WDR37: variants seen among roughly 807,000 people sequenced by gnomAD.
WDR37 encodes WD repeat domain 37.
Under a neutral mutation model 62.9 loss-of-function variants are expected in WDR37, and 19 were observed. The observed-to-expected ratio is 0.30, with a 90% CI of 0.21 to 0.44. The LOEUF is 0.44. WDR37 is among the 20% of genes least tolerant of loss of function. The pLI is 1.00. For missense variants in WDR37, 474 were observed against 657.6 expected (o/e 0.72, Z 3.05); for synonymous variants, 250 against 260.9 (o/e 0.96, Z 0.40).
At chr10:1,063,791 A>G (rs1833448920) in intron 1 of WDR37, among the ~76,000 whole-genome samples, 1 of 152,146 alleles carries the variant, frequency 6.6e-6, no homozygotes, top group Admixed American at 6.5e-5. Flanking sequence ...CAGGAGGCTG[A>G]ACTTTCCTTC....
Position 1,105,043 on chromosome 10 carries a change from C to T in WDR37, c.962-83C>T. On this transcript the variant is annotated intron_variant, in intron 10 of 13. Transcript: ENST00000263150. This position sits in a 1 kb window ranked among gnomAD's most constrained non-coding sequence, Gnocchi z 5.3. ...GTTCACAGTCTCAGAGAGACGGCTT[C>T]TTGGGTTCTTGTGCTGTTGAAAAGC... The T allele has an allele frequency of 6.5e-7, 1 of 1,540,066 alleles. No homozygotes were observed. Among genetic ancestry groups the T allele is most frequent in the Non-Finnish European group, 8.8e-7 (1 of 1,130,512 alleles).
intron 1 of WDR37, among the ~76,000 whole-genome samples, chr10:1,069,389 A>ATATATATATATATATATTTTTTTT: frequency 4.2e-5 from 4 of 95,800 alleles, no homozygotes; most frequent in African/African-American, 1.9e-4. Flanking sequence ...ATATATATAT[A>ATATATATATATATATATTTTTTTT]TTTTTTTTTT....
At chr10:1,080,880 TG>T (rs1431039054) in intron 5 of WDR37, among the ~76,000 whole-genome samples, 2 of 150,136 alleles carry the variant, frequency 1.3e-5, no homozygotes, top group Non-Finnish European at 3.0e-5. Flanking sequence ...CACTCTAGCC[TG>T]GGCAACAGAG....
At chr10:1,069,389 A>ATATATATATATATTTTTTTTTTTTTT in intron 1 of WDR37, among the ~76,000 whole-genome samples, 16 of 95,766 alleles carry the variant, frequency 1.7e-4, no homozygotes, top group African/African-American at 6.6e-4. Flanking sequence ...ATATATATAT[A>ATATATATATATATTTTTTTTTTTTTT]TTTTTTTTTT....
rs111903478 is a variant in WDR37 at position 1,084,414 on chromosome 10, C to T, written c.408C>T (p.Ser136=). ...CATCTTGGTTTCAGATTGTCTCCAG[C>T]TTTAAGACCACGACATCGAGAGCTG... The part of the protein sequence containing the change: ...YKASTSKIVS[S]FKTTTSRAAC... The change falls in exon 6 of 14, where the codon AGC becomes AGT. Residue 136 remains serine, a synonymous_variant. Coordinates refer to ENST00000263150, the MANE Select transcript of WDR37 (RefSeq NM_014023.4). 49 of 1,613,724 alleles carry T rather than the reference C, an allele frequency of 3.0e-5. No individual in the cohort carries two copies. The African/African-American group carries it at 3.6e-4, about 12-fold the overall frequency.
At chr10:1,060,157 A>G (rs1366389071) in intron 1 of WDR37, among the ~76,000 whole-genome samples, 1 of 152,222 alleles carries the variant, frequency 6.6e-6, no homozygotes, top group Non-Finnish European at 1.5e-5. Flanking sequence ...CAGCATTTCT[A>G]AAGATGAGGA....
intron 5 of WDR37, among the ~76,000 whole-genome samples, 183 bp from the exon 6 acceptor site, chr10:1,084,220 G>C (rs956595681): frequency 6.6e-6 from 1 of 152,182 alleles, no homozygotes; most frequent in Non-Finnish European, 1.5e-5. Context: ...GATATGAGCT[G>C]AACCCGCCAC....
Position 1,126,338 on chromosome 10 carries a change from G to T in WDR37, c.1353+1314G>T, listed in dbSNP as rs375856119. Among the ~76,000 whole-genome samples, 7 of 151,272 alleles carry T rather than the reference G, an allele frequency of 4.6e-5. No individual in the cohort carries two copies. The East Asian group carries it at 9.7e-4, about 21-fold the overall frequency. ...GGAGAATGGCGTGAACCCAGGAGGC[G>T]GAGCTTGCAGTGAGCTGAGATCGCG... On this transcript the variant is annotated intron_variant, in intron 13 of 13. Transcript: ENST00000263150.
intron 3 of WDR37, among the ~76,000 whole-genome samples, chr10:1,079,491 G>A (rs1178778197): frequency 6.7e-6 from 1 of 149,652 alleles, no homozygotes; most frequent in Non-Finnish European, 1.5e-5. Flanking sequence ...AGTGTAGCAA[G>A]TGTGTGAGCT....
At chr10:1,090,677 G>A (rs757193067) in intron 7 of WDR37, among the ~76,000 whole-genome samples, 2 of 152,194 alleles carry the variant, frequency 1.3e-5, no homozygotes, top group African/African-American at 2.4e-5. Context: ...CTGTGTCTGC[G>A]CCTCTCAGAG....
chr10:1,097,148 T>C (rs1834613881), intron 9 of WDR37, among the ~76,000 whole-genome samples: 1 of 152,116 alleles, frequency 6.6e-6, no homozygotes, highest in Admixed American at 6.5e-5. Flanking sequence ...GAAAGAGTTG[T>C]TAAGGGAAAG....
chr10:1,089,450 C>T (rs1834309497), intron 7 of WDR37, among the ~76,000 whole-genome samples: 1 of 152,152 alleles, frequency 6.6e-6, no homozygotes, highest in African/African-American at 2.4e-5. Context: ...TGTTTATCTG[C>T]AGCTTTTATA....
chr10:1,083,837 G>T (rs891003013), intron 5 of WDR37, among the ~76,000 whole-genome samples: 8 of 152,210 alleles, frequency 5.3e-5, no homozygotes, highest in African/African-American at 1.7e-4. Context: ...CTGAGCGAGC[G>T]CCAAGTCTCG....
intron 1 of WDR37, among the ~76,000 whole-genome samples, chr10:1,071,686 G>C (rs1316308384): frequency 6.6e-6 from 1 of 152,046 alleles, no homozygotes; most frequent in Non-Finnish European, 1.5e-5. Context: ...AATTTCATAT[G>C]CTTTTATTTT....
chr10:1,066,343 C>G (rs1483002315), intron 1 of WDR37, among the ~76,000 whole-genome samples: 2 of 152,170 alleles, frequency 1.3e-5, no homozygotes, highest in Non-Finnish European at 2.9e-5. Context: ...GTCTCGAAGT[C>G]CTGACCTTGT....
intron 11 of WDR37, among the ~76,000 whole-genome samples, chr10:1,106,276 TCTC>T (rs1242601449): frequency 6.6e-6 from 1 of 152,058 alleles, no homozygotes; most frequent in Non-Finnish European, 1.5e-5. Context: ...CACTGGCAAG[TCTC>T]CTGCCAGCCA....
intron 13 of WDR37, among the ~76,000 whole-genome samples, chr10:1,125,883 G>A (rs11250275): frequency 0.078 from 11,849 of 152,250 alleles, 588 homozygotes; most frequent in African/African-American, 0.13. Flanking sequence ...GGAGTTTCTC[G>A]CTATGTGCTG....
chr10:1,088,882 G>A (rs573283541), intron 7 of WDR37, among the ~76,000 whole-genome samples: 37 of 152,206 alleles, frequency 2.4e-4, no homozygotes, highest in African/African-American at 8.7e-4. Flanking sequence ...GTAATAAAAC[G>A]GGGTATGCCT....
chr10:1,097,793 C>T (rs897781833), intron 9 of WDR37, among the ~76,000 whole-genome samples: 5 of 152,212 alleles, frequency 3.3e-5, no homozygotes, highest in African/African-American at 9.6e-5. Flanking sequence ...TTCCCTGTTG[C>T]CTCTTTCTCT....
Sources: allele counts gnomAD v4.1 joint callset (sites outside exome capture counted in the v4.1 genomes callset), GRCh38; gene constraint gnomAD v4.1.1; non-coding constraint Gnocchi (gnomAD v3.1); transcripts MANE v1.5; gene names NCBI Gene and HGNC (gene_info 2026-07-23, HGNC 2026-07-21).